Variants in MYH16 observed in about 807,000 individuals in gnomAD.
MYH16 encodes the protein putative uncharacterized protein MYH16.
At chr7:99,301,800 TC>T (rs1472406687) in exon 38 of MYH16, 1 of 152,548 alleles carries the variant, frequency 6.6e-6, no homozygotes, top group East Asian at 1.9e-4. Flanking sequence ...GAGATCAACA[TC>T]CAGGTAGGAC....
At chr7:99,298,214 G>GT (rs1792532753) in intron 36 of MYH16, among the ~76,000 whole-genome samples, 1 of 150,664 alleles carries the variant, frequency 6.6e-6, no homozygotes, top group Non-Finnish European at 1.5e-5. Flanking sequence ...TTCTTTTTTG[G>GT]TTTTTTTGGG....
At chr7:99,243,374 A>G (rs1448011982) in exon 2 of MYH16, 1 of 152,806 alleles carries the variant, frequency 6.5e-6, no homozygotes, top group African/African-American at 2.4e-5. Flanking sequence ...GAATGAGGCC[A>G]GTGTCCTAGA....
chr7:99,289,105 C>A (rs1264041313), intron 29 of MYH16, among the ~76,000 whole-genome samples, 182 bp from the exon 11 acceptor site: 4 of 139,270 alleles, frequency 2.9e-5, no homozygotes, highest in African/African-American at 9.9e-5. Context: ...TGGAGTGATA[C>A]CCTGTCTCAA....
chr7:99,269,711 T>C (rs1170465788), intron 18 of MYH16, among the ~76,000 whole-genome samples: 2 of 152,212 alleles, frequency 1.3e-5, no homozygotes, highest in African/African-American at 4.8e-5. Flanking sequence ...CGCTTTGCCA[T>C]GTTTCTAAGC....
At chr7:99,256,034 A>G (rs932935305) in intron 9 of MYH16, among the ~76,000 whole-genome samples, 1 of 151,864 alleles carries the variant, frequency 6.6e-6, no homozygotes, top group African/African-American at 2.4e-5. Flanking sequence ...AGCACTCACA[A>G]CTTCTGTTAG....
chr7:99,280,476 G>A (rs1792187161), intron 22 of MYH16, among the ~76,000 whole-genome samples: 1 of 152,200 alleles, frequency 6.6e-6, no homozygotes, highest in Non-Finnish European at 1.5e-5. Context: ...CATCTGGCTG[G>A]CCCCTGGTCC....
downstream of MYH16, chr7:99,311,128 A>T (rs567806622): frequency 1.3e-5 from 2 of 152,224 alleles, no homozygotes; most frequent in East Asian, 3.9e-4. Context: ...AAAAAAATAG[A>T]CCAACTGGAG....
chr7:99,255,604 C>A (rs1303339657), exon 9 of MYH16: 1 of 152,836 alleles, frequency 6.5e-6, no homozygotes, highest in Non-Finnish European at 1.5e-5. Context: ...TGGTCCCCAA[C>A]CCTAAGGAAT....
At chr7:99,267,590 C>T (rs1030828857) in intron 18 of MYH16, among the ~76,000 whole-genome samples, 11 of 152,186 alleles carry the variant, frequency 7.2e-5, no homozygotes, top group African/African-American at 1.7e-4. Context: ...GGATCTGGCC[C>T]GTGGGGAAGT....
chr7:99,255,173 G>T (rs1012039962), intron 8 of MYH16, among the ~76,000 whole-genome samples: 1 of 152,158 alleles, frequency 6.6e-6, no homozygotes, highest in Non-Finnish European at 1.5e-5. Context: ...GGAGGCTGAG[G>T]TGCAAGAATC....
At chr7:99,302,299 C>CAA (rs1267029344) in intron 38 of MYH16, among the ~76,000 whole-genome samples, 7,202 of 87,430 alleles carry the variant, frequency 0.082, 701 homozygotes, top group South Asian at 0.21. Context: ...GTGACCATCT[C>CAA]AAAAAAAAAA....
intron 22 of MYH16, 30 bp from the exon 5 acceptor site, chr7:99,280,846 A>G: frequency 3.4e-6 from 1 of 296,486 alleles, no homozygotes; most frequent in African/African-American, 2.3e-5. Context: ...AGCTTTAAGG[A>G]TCTACCTCTC....
intron 2 of MYH16, among the ~76,000 whole-genome samples, chr7:99,244,846 G>C (rs1243256591): frequency 1.3e-5 from 2 of 152,178 alleles, no homozygotes; most frequent in Non-Finnish European, 2.9e-5. Flanking sequence ...GGCTTACCTG[G>C]GGCTGCTCTG....
At chr7:99,279,978 T>C (rs1448032556) in intron 22 of MYH16, among the ~76,000 whole-genome samples, 1 of 152,146 alleles carries the variant, frequency 6.6e-6, no homozygotes, top group Non-Finnish European at 1.5e-5. Flanking sequence ...TTCAAGTGAT[T>C]CTCATACCTC....
intron 28 of MYH16, among the ~76,000 whole-genome samples, chr7:99,287,188 TTGTCGGTACC>T (rs1792291457): frequency 6.6e-6 from 1 of 152,118 alleles, no homozygotes; most frequent in South Asian, 2.1e-4. Context: ...CTGACCCTAG[TTGTCGGTACC>T]TGGACCTGGA....
chr7:99,304,993 C>T (rs1043803675), intron 40 of MYH16, among the ~76,000 whole-genome samples: 9 of 151,836 alleles, frequency 5.9e-5, no homozygotes, highest in Non-Finnish European at 1.0e-4. Flanking sequence ...TGAGACCAGC[C>T]GGGGCAACAT....
chr7:99,288,852 C>T (rs1411607586), intron 29 of MYH16, among the ~76,000 whole-genome samples: 1 of 152,018 alleles, frequency 6.6e-6, no homozygotes, highest in Non-Finnish European at 1.5e-5. Flanking sequence ...CAGTGGCTAA[C>T]GCCTGTAATC....
chr7:99,301,219 GA>G (rs1792590579), intron 37 of MYH16, among the ~76,000 whole-genome samples: 1 of 134,648 alleles, frequency 7.4e-6, no homozygotes, highest in Admixed American at 7.6e-5. Context: ...AAAAAAAAAA[GA>G]GAGAGAGAGA....
intron 1 of MYH16, among the ~76,000 whole-genome samples, chr7:99,242,818 C>T (rs1791680659): frequency 1.3e-5 from 2 of 152,198 alleles, no homozygotes; most frequent in African/African-American, 4.8e-5. Context: ...TGGAAAAGCT[C>T]ATCGCTATTT....
Sources: allele counts gnomAD v4.1 joint callset (sites outside exome capture counted in the v4.1 genomes callset), GRCh38; gene constraint gnomAD v4.1.1; transcripts MANE v1.5; gene names NCBI Gene and HGNC (gene_info 2026-07-23, HGNC 2026-07-21).